Variants in LRP1B observed in about 807,000 individuals in gnomAD.
LRP1B encodes LDL receptor related protein 1B, also known as low-density lipoprotein receptor-related protein 1B.
A neutral mutation model predicts 556.6 loss-of-function variants in LRP1B; 217 were observed. That is an observed-to-expected ratio of 0.39 (90% CI 0.35 to 0.44). The LOEUF (loss-of-function observed/expected upper bound fraction) is 0.44, where lower values mean the gene tolerates loss of function less well. LRP1B is among the 20% of genes least tolerant of loss of function. LRP1B has a pLI of 1.00. For missense variants in LRP1B, 5,053 were observed against 5,620.8 expected (o/e 0.90, Z 3.23); for synonymous variants, 2,047 against 1,865.8 (o/e 1.10, Z -2.50).
intron 32 of LRP1B, among the ~76,000 whole-genome samples, chr2:140,803,283 T>G (rs199970349): frequency 2.4e-5 from 3 of 124,458 alleles, no homozygotes; most frequent in East Asian, 2.4e-4. Flanking sequence ...TTTTTTTTTT[T>G]TTTTTTTCCG....
chr2:142,005,080 G>C (rs1559016603), intron 1 of LRP1B, among the ~76,000 whole-genome samples: 1 of 146,566 alleles, frequency 6.8e-6, no homozygotes, highest in Non-Finnish European at 1.5e-5. Flanking sequence ...TATATATTTA[G>C]TACTATGTAA....
At chr2:140,806,860 T>C (rs948161363) in intron 32 of LRP1B, among the ~76,000 whole-genome samples, 8 of 152,236 alleles carry the variant, frequency 5.3e-5, no homozygotes, top group African/African-American at 1.9e-4. Context: ...AATAAGACTA[T>C]TGTTTCTGTG....
intron 2 of LRP1B, among the ~76,000 whole-genome samples, chr2:141,571,816 GA>G (rs1686541320): frequency 6.6e-6 from 1 of 151,742 alleles, no homozygotes. Flanking sequence ...CAACCAAGCA[GA>G]AAAAAAGATA....
chr2:140,661,504 TAAAAAAAAAA>T (rs71408466), intron 41 of LRP1B, among the ~76,000 whole-genome samples: 3 of 122,598 alleles, frequency 2.4e-5, no homozygotes, highest in Non-Finnish European at 3.6e-5. Context: ...TACAAATAAT[TAAAAAAAAAA>T]AAAAAAACGC....
At chr2:141,592,401 T>A (rs1253412864) in intron 2 of LRP1B, among the ~76,000 whole-genome samples, 1 of 152,144 alleles carries the variant, frequency 6.6e-6, no homozygotes, top group Non-Finnish European at 1.5e-5. Flanking sequence ...TGTCTTCACA[T>A]GGTATAAGGG....
At position 140,325,895 on chromosome 2, in the gene LRP1B, C is replaced by A. The variant is rs541105180; in HGVS notation, c.12224-17G>T. 1.4e-6 allele frequency: 2 copies of A among 1,468,348 alleles called. No homozygotes were observed. Among genetic ancestry groups the A allele is most frequent in the Admixed American group, 3.4e-5 (2 of 59,002 alleles). 91.0% of individuals were successfully genotyped at this position (1,468,348 alleles called of 1,614,324 possible). A position where few individuals can be genotyped will look rare whatever the true frequency, so the allele number is the denominator to read the frequency against. ...CAGCCAAACCTGCAAAATCAACACA[C>A]ACAAGACAAATAGTGCAAGTAAATT... is the stretch of plus-strand genomic sequence containing the variant. On this transcript the variant is annotated splice_polypyrimidine_tract_variant and intron_variant, in intron 79 of 90. Coordinates refer to ENST00000389484, the MANE Select transcript of LRP1B (RefSeq NM_018557.3).
chr2:142,128,587 T>G (rs748798895), intron 1 of LRP1B, among the ~76,000 whole-genome samples: 1 of 152,198 alleles, frequency 6.6e-6, no homozygotes, highest in Non-Finnish European at 1.5e-5. Flanking sequence ...TCCTTTTCAC[T>G]TTTGGTAACT....
intron 18 of LRP1B, among the ~76,000 whole-genome samples, chr2:140,979,628 G>A (rs968690255): frequency 2.0e-5 from 3 of 152,108 alleles, no homozygotes; most frequent in African/African-American, 7.2e-5. Context: ...CTCCCCACCA[G>A]GAAATGTTAA....
chr2:140,412,873 G>C (rs900501250), intron 66 of LRP1B, among the ~76,000 whole-genome samples: 2 of 151,968 alleles, frequency 1.3e-5, no homozygotes, highest in African/African-American at 2.4e-5. Context: ...AACTTAACTA[G>C]ATAAATTTCA....
intron 35 of LRP1B, among the ~76,000 whole-genome samples, chr2:140,745,375 A>T (rs1002611467): frequency 1.1e-4 from 16 of 152,196 alleles, no homozygotes; most frequent in African/African-American, 3.4e-4. Context: ...CCAAAATTTT[A>T]CTTTTTATTA....
intron 41 of LRP1B, among the ~76,000 whole-genome samples, chr2:140,661,353 A>G (rs1464353674): frequency 6.6e-6 from 1 of 152,004 alleles, no homozygotes; most frequent in African/African-American, 2.4e-5. Context: ...CTATGGGTCC[A>G]CAGAGAAAGT....
chr2:141,774,016 C>T (rs1318651804), intron 2 of LRP1B, among the ~76,000 whole-genome samples: 1 of 152,190 alleles, frequency 6.6e-6, no homozygotes, highest in Non-Finnish European at 1.5e-5. Flanking sequence ...ACAACAACAA[C>T]TCGTGATGGC....
intron 2 of LRP1B, among the ~76,000 whole-genome samples, chr2:141,731,076 A>G (rs1200425695): frequency 1.3e-5 from 2 of 152,130 alleles, no homozygotes; most frequent in Admixed American, 6.6e-5. Flanking sequence ...CACAGATTGG[A>G]AAAGTGGGAG....
intron 3 of LRP1B, among the ~76,000 whole-genome samples, chr2:141,376,067 T>C (rs1298457932): frequency 6.6e-6 from 1 of 151,836 alleles, no homozygotes; most frequent in African/African-American, 2.4e-5. Context: ...TGCAGAGGAG[T>C]GCCATGTCTC....
intron 1 of LRP1B, among the ~76,000 whole-genome samples, chr2:142,078,590 T>C (rs1314277414): frequency 1.3e-5 from 2 of 152,144 alleles, no homozygotes; most frequent in African/African-American, 4.8e-5. Flanking sequence ...GTACAGCGGG[T>C]AAAACAATCT....
intron 3 of LRP1B, among the ~76,000 whole-genome samples, chr2:141,420,343 TC>T (rs1233801641): frequency 6.6e-6 from 1 of 152,214 alleles, no homozygotes; most frequent in Non-Finnish European, 1.5e-5. Context: ...CAGCCACGTA[TC>T]CCAGTCTTTA....
At chr2:140,877,855 C>G (rs996738884) in intron 25 of LRP1B, among the ~76,000 whole-genome samples, 3 of 152,132 alleles carry the variant, frequency 2.0e-5, no homozygotes, top group Non-Finnish European at 4.4e-5. Context: ...TCATCAGGAC[C>G]TCCTGAAGCT....
intron 2 of LRP1B, among the ~76,000 whole-genome samples, chr2:141,540,770 C>G (rs1448393234): frequency 6.6e-6 from 1 of 151,852 alleles, no homozygotes; most frequent in Non-Finnish European, 1.5e-5. Context: ...ATATAGTTAC[C>G]TGGATTCCTT....
At chr2:142,006,392 T>C (rs1438341283) in intron 1 of LRP1B, among the ~76,000 whole-genome samples, 2 of 152,224 alleles carry the variant, frequency 1.3e-5, no homozygotes, top group Non-Finnish European at 2.9e-5. Context: ...TGCTAGTGAT[T>C]GGCTTCTTAC....
Sources: gnomAD v4.1 joint callset for allele counts (sites outside exome capture counted in the v4.1 genomes callset) on GRCh38, gnomAD v4.1.1 for gene constraint, MANE v1.5 for transcripts, NCBI Gene and HGNC (gene_info 2026-07-23, HGNC 2026-07-21) for gene names.